The following PRPF18 variants were observed in gnomAD, a reference collection of about 807,000 sequenced individuals.
PRPF18 encodes pre-mRNA processing factor 18, also known as pre-mRNA-splicing factor 18.
In PRPF18, 38 loss-of-function variants were observed where a neutral mutation model predicts 46.5. The ratio of observed to expected loss-of-function variants is 0.82; its 90% CI spans 0.63 to 1.07. PRPF18 has a LOEUF of 1.07. Ranked by LOEUF, PRPF18 falls within the 50% of genes least tolerant of loss-of-function variation. PRPF18 has a pLI of 0.00. For missense variants in PRPF18, 263 were observed against 410.0 expected, an observed-to-expected ratio of 0.64 and a Z score of 3.10; for synonymous variants, 152 against 146.7, an observed-to-expected ratio of 1.04 and a Z score of -0.26.
chr10:13,636,299 G>A, the PRPF18 span, among the ~76,000 whole-genome samples: 1 of 152,236 alleles, frequency 6.6e-6, no homozygotes, highest in African/African-American at 2.4e-5. Context: ...GCGCGCACGT[G>A]TAGTCCCAGC....
chr10:13,586,965 AGTT>A lies in PRPF18; in HGVS notation c.-118_-116del. The A allele has an allele frequency of 9.9e-7, 1 of 1,012,918 alleles. No individual in the cohort carries two copies. The allele number at this position is 1,012,918 out of a possible 1,614,324, so 62.7% of individuals were successfully genotyped here. ...GCTTCCGCCGGAAGCGGCTCCTGTC[AGTT>A]GTTCTCAGGTGTTTGGGCTTGTTGT... On this transcript the variant is annotated 5_prime_UTR_variant, in exon 1 of 10. Transcript: ENST00000378572.
downstream of PRPF18, among the ~76,000 whole-genome samples, chr10:13,633,575 G>A (rs920023246): frequency 4.6e-5 from 7 of 152,038 alleles, no homozygotes; most frequent in East Asian, 1.9e-4. Context: ...TTGTACCCCC[G>A]CCTACCCTGC....
At position 13,600,241 on chromosome 10, in the gene PRPF18, T is replaced by C. The variant is rs1214183266; in HGVS notation, c.145-3T>C. 6.3e-7 allele frequency: 1 copy of C among 1,598,834 alleles called. No homozygotes were observed. Among genetic ancestry groups the C allele is most frequent in the Non-Finnish European group, 8.5e-7 (1 of 1,171,682 alleles). ...ATTTCATTTCTTTTGGCTATTAATA[T>C]AGATACAGCCAAAAGAGGAGGACCA... On this transcript the variant is annotated splice_polypyrimidine_tract_variant and splice_region_variant and intron_variant, in intron 2 of 9. Coordinates refer to ENST00000378572, the MANE Select transcript of PRPF18 (RefSeq NM_003675.4).
intron 6 of PRPF18, among the ~76,000 whole-genome samples, chr10:13,612,475 G>C (rs1564457896): frequency 6.6e-6 from 1 of 151,680 alleles, no homozygotes; most frequent in Non-Finnish European, 1.5e-5. Flanking sequence ...TAAAGAGACA[G>C]GTTTTCACCC....
At chr10:13,600,099 C>G (rs1217363768) in intron 2 of PRPF18, 145 bp from the exon 3 acceptor site, 3 of 609,724 alleles carry the variant, frequency 4.9e-6, no homozygotes, top group Non-Finnish European at 8.1e-6. Flanking sequence ...AGCATGTACA[C>G]TTATTGTGAG....
intron 9 of PRPF18, among the ~76,000 whole-genome samples, chr10:13,621,763 A>G (rs530351992): frequency 6.6e-6 from 1 of 152,220 alleles, no homozygotes; most frequent in African/African-American, 2.4e-5. Context: ...AGCTTTTGCT[A>G]TTACAAAAGG....
In PRPF18 at chr10:13,600,733, G is replaced by T. The variant is rs145974310; in HGVS notation, c.249+385G>T. Among the ~76,000 whole-genome samples the T allele has an allele frequency of 1.6e-3, 239 of 152,182 alleles. 1 individual carries two copies. The highest frequency in any genetic ancestry group is 5.4e-3 in the African/African-American group (224 of 41,516). On this transcript the variant is annotated intron_variant, in intron 3 of 9. Transcript: ENST00000378572. ...TATGGAGATCTACATAATTTTGAAT[G>T]AGTGTATAATTTCCCATTGCTTGTT...
intron 9 of PRPF18, 136 bp from the exon 10 acceptor site, chr10:13,630,124 C>T (rs1405292387): frequency 2.4e-5 from 16 of 666,300 alleles, no homozygotes; most frequent in Non-Finnish European, 2.4e-5. Context: ...TTTCTCTAGG[C>T]ATACATCTGA....
At chr10:13,635,987 G>A in the PRPF18 span, among the ~76,000 whole-genome samples, 1 of 152,170 alleles carries the variant, frequency 6.6e-6, no homozygotes, top group Non-Finnish European at 1.5e-5. Context: ...GTCCATAGAA[G>A]AACCGAGAAC....
chr10:13,641,634 C>G, the PRPF18 span: 31 of 152,338 alleles, frequency 2.0e-4, no homozygotes, highest in African/African-American at 7.0e-4. Context: ...GAGCCCTGGA[C>G]TACGATACCA....
chr10:13,617,354 T>A (rs1214812139), intron 9 of PRPF18, among the ~76,000 whole-genome samples: 1 of 152,244 alleles, frequency 6.6e-6, no homozygotes, highest in Non-Finnish European at 1.5e-5. Flanking sequence ...TTATTTCACT[T>A]CCAAGTGCTG....
intron 1 of PRPF18, among the ~76,000 whole-genome samples, chr10:13,589,391 C>G (rs998582142): frequency 2.0e-5 from 3 of 152,194 alleles, no homozygotes; most frequent in Non-Finnish European, 4.4e-5. Context: ...TTGTATGCAT[C>G]TTTCCTGTTT....
At chr10:13,593,778 G>A (rs115589292) in intron 1 of PRPF18, among the ~76,000 whole-genome samples, 111 of 152,328 alleles carry the variant, frequency 7.3e-4, no homozygotes, top group African/African-American at 2.0e-3. Context: ...CTGGAGTTGG[G>A]AGGAATTTGG....
intron 1 of PRPF18, 124 bp downstream of exon 1, chr10:13,587,276 C>CAGGA: frequency 1.9e-6 from 2 of 1,031,818 alleles, no homozygotes; most frequent in Non-Finnish European, 3.0e-6. Context: ...GAGTGTCCTG[C>CAGGA]CACTACCCCT....
chr10:13,619,349 G>A (rs1175031827), intron 9 of PRPF18, among the ~76,000 whole-genome samples: 1 of 152,190 alleles, frequency 6.6e-6, no homozygotes, highest in Non-Finnish European at 1.5e-5. Context: ...TTTTTATTTT[G>A]AAATAATTAT....
chr10:13,602,772 T>A (rs1430929822), intron 3 of PRPF18, among the ~76,000 whole-genome samples: 1 of 152,202 alleles, frequency 6.6e-6, no homozygotes, highest in Non-Finnish European at 1.5e-5. Flanking sequence ...TCACTGTGTC[T>A]CCCAGGCTGG....
At chr10:13,599,691 C>T (rs2080079585) in intron 2 of PRPF18, among the ~76,000 whole-genome samples, 1 of 152,110 alleles carries the variant, frequency 6.6e-6, no homozygotes, top group Admixed American at 6.5e-5. Context: ...CAGTTTGGAC[C>T]AACTCTTCGT....
intron 9 of PRPF18, among the ~76,000 whole-genome samples, chr10:13,617,018 T>C (rs991106565): frequency 3.3e-5 from 5 of 152,224 alleles, no homozygotes; most frequent in Non-Finnish European, 1.5e-5. Context: ...GTAACAACAC[T>C]TCTTTAGTCA....
At position 13,605,716 on chromosome 10, in the gene PRPF18, T is replaced by C. The variant is rs908700329; in HGVS notation, c.335T>C (p.Ile112Thr). 6.2e-7 allele frequency: 1 copy of C among 1,612,072 alleles called. No individual in the cohort carries two copies. Among genetic ancestry groups the C allele is most frequent in the Non-Finnish European group, 8.5e-7 (1 of 1,179,490 alleles). Residue 112 changes from isoleucine (I) to threonine (T), a missense_variant, in exon 4 of 10, where the codon ATA (isoleucine) becomes ACA (threonine). Ile to Thr is a moderately conservative substitution (Grantham distance 89). This residue lies in a region of PRPF18 where 155 missense variants were observed against 245.1 expected (regional missense o/e 0.63). Transcript: ENST00000378572. ...GATGCTTTTCAACGTTTAAGGAAAA[T>C]AGAGATCCTCACACCAGAAGTTAAC... Reference protein sequence around the residue: ...DYDAFQRLRKIEILTPEVNKG... With the variant: ...DYDAFQRLRKTEILTPEVNKG...
Sources: gnomAD v4.1 joint callset for allele counts (sites outside exome capture counted in the v4.1 genomes callset) on GRCh38, gnomAD v4.1.1 for gene constraint, gnomAD v4.1.1 regional missense constraint, MANE v1.5 for transcripts, NCBI Gene and HGNC (gene_info 2026-07-23, HGNC 2026-07-21) for gene names.